The following CUBN variants were observed in gnomAD, a reference collection of about 807,000 sequenced individuals.
CUBN encodes the protein 460 kDa receptor.
CUBN carries 282 observed loss-of-function variants against 405.3 expected under a neutral mutation model. The ratio of observed to expected loss-of-function variants is 0.70; its 90% CI spans 0.63 to 0.77. The LOEUF (loss-of-function observed/expected upper bound fraction) is 0.77, where lower values mean the gene tolerates loss of function less well. CUBN is among the 30% of genes least tolerant of loss of function. CUBN has a pLI of 0.00. For missense variants in CUBN, 4,514 were observed against 4,475.2 expected (o/e 1.01, Z -0.25); for synonymous variants, 1,684 against 1,617.0 (o/e 1.04, Z -0.99).
intron 28 of CUBN, among the ~76,000 whole-genome samples, chr10:17,006,737 G>A (rs933691194): frequency 8.5e-5 from 13 of 152,074 alleles, no homozygotes; most frequent in African/African-American, 2.9e-4. Flanking sequence ...CATCCAAACC[G>A]AGCCAGTCAT....
At chr10:16,928,465 A>G (rs1036187493) in intron 40 of CUBN, among the ~76,000 whole-genome samples, 162 bp from the exon 41 acceptor site, 2 of 151,542 alleles carry the variant, frequency 1.3e-5, no homozygotes, top group Admixed American at 1.3e-4. Context: ...GGGTGATATC[A>G]TTCTGGCTCC....
chr10:17,080,084 AT>A (rs1382820964), intron 17 of CUBN, among the ~76,000 whole-genome samples: 1 of 152,064 alleles, frequency 6.6e-6, no homozygotes, highest in African/African-American at 2.4e-5. Context: ...AATCTTAAAG[AT>A]TTTACCAGGG....
chr10:16,928,163 G>A lies in CUBN; in HGVS notation c.6265C>T (p.His2089Tyr). The A allele has an allele frequency of 2.5e-6, 4 of 1,613,728 alleles. No individual in the cohort carries two copies. Among genetic ancestry groups the A allele is most frequent in the Non-Finnish European group, 3.4e-6 (4 of 1,179,736 alleles). The part of the protein sequence containing the change: ...VTRAGFNASF[H>Y]KSCGGYLHAD... ...AAATATTTGAACTCATTACTCTTGT[G>A]AAAGGATGCATTGAAGCCTGCCCTG... Residue 2089 changes from histidine to tyrosine, a missense_variant, in exon 41 of 67, where the codon CAC becomes TAC. Around this residue, in one of 5 missense-constraint regions of CUBN, gnomAD observed 1,613 missense variants for 1,542.8 expected, o/e 1.05. Transcript: ENST00000377833.
At chr10:17,028,648 G>A (rs1834726138) in intron 27 of CUBN, among the ~76,000 whole-genome samples, 1 of 151,604 alleles carries the variant, frequency 6.6e-6, no homozygotes, top group African/African-American at 2.4e-5. Context: ...TTGAATCTGG[G>A]AGGCGGAGGT....
intron 31 of CUBN, among the ~76,000 whole-genome samples, chr10:16,966,274 T>C (rs1250104471): frequency 6.6e-6 from 1 of 152,126 alleles, no homozygotes; most frequent in African/African-American, 2.4e-5. Context: ...GCAGAATGGG[T>C]AACAAAGAGC....
At chr10:17,087,465 TC>T (rs1324915324) in intron 15 of CUBN, among the ~76,000 whole-genome samples, 2 of 102,130 alleles carry the variant, frequency 2.0e-5, no homozygotes, top group African/African-American at 4.2e-5. Context: ...CTATTATTTT[TC>T]TTTTTCTTTT....
At chr10:16,890,870 G>A (rs941048971) in intron 54 of CUBN, among the ~76,000 whole-genome samples, 1 of 152,136 alleles carries the variant, frequency 6.6e-6, no homozygotes, top group South Asian at 2.1e-4. Context: ...GGGAGACGGA[G>A]CAGCCAGGTG....
At chr10:16,972,515 G>A (rs145146217) in intron 31 of CUBN, among the ~76,000 whole-genome samples, 54 of 150,610 alleles carry the variant, frequency 3.6e-4, no homozygotes, top group East Asian at 7.8e-4. Flanking sequence ...ACAGCTCACC[G>A]CAGCCTCGAC....
In CUBN at chr10:16,900,857, G is replaced by T; in HGVS notation, c.8185-7C>A. ...CAAAGTCACTAAATGTGAGCTGCAG[G>T]AGAAAAAAGAAAATGGTTGTCAGTG... is the stretch of plus-strand genomic sequence containing the variant. On this transcript the variant is annotated splice_polypyrimidine_tract_variant and splice_region_variant and intron_variant, in intron 52 of 66. Coordinates refer to ENST00000377833, the MANE Select transcript of CUBN (RefSeq NM_001081.4). The T allele has an allele frequency of 6.3e-7, 1 of 1,596,350 alleles. No homozygotes were observed. Among genetic ancestry groups the T allele is most frequent in the Non-Finnish European group, 8.6e-7 (1 of 1,166,134 alleles).
intron 29 of CUBN, among the ~76,000 whole-genome samples, chr10:16,987,390 G>A (rs1474124365): frequency 6.6e-6 from 1 of 152,230 alleles, no homozygotes; most frequent in Non-Finnish European, 1.5e-5. Flanking sequence ...CAAATGCTCA[G>A]GATGGAGGAC....
At chr10:17,111,481 C>G (rs946757193) in intron 8 of CUBN, among the ~76,000 whole-genome samples, 17 of 152,082 alleles carry the variant, frequency 1.1e-4, no homozygotes, top group African/African-American at 4.1e-4. Context: ...GGAAAAAACC[C>G]TCAATTATCA....
At chr10:17,030,124 C>T (rs1206739400) in intron 27 of CUBN, among the ~76,000 whole-genome samples, 1 of 152,192 alleles carries the variant, frequency 6.6e-6, no homozygotes, top group African/African-American at 2.4e-5. Flanking sequence ...CATCACCCCC[C>T]AGTGGTACTG....
At chr10:17,117,175 AT>A (rs1836922096) in intron 6 of CUBN, among the ~76,000 whole-genome samples, 1 of 150,356 alleles carries the variant, frequency 6.7e-6, no homozygotes, top group Non-Finnish European at 1.5e-5. Flanking sequence ...TCCTTCTCAT[AT>A]TGTTTTCTTT....
chr10:17,045,311 A>C, intron 24 of CUBN, 123 bp from the exon 25 acceptor site: 1 of 958,026 alleles, frequency 1.0e-6, no homozygotes, highest in East Asian at 2.6e-5. Flanking sequence ...GCAAAATGGC[A>C]TCATGAAAGA....
intron 14 of CUBN, among the ~76,000 whole-genome samples, chr10:17,093,677 TA>T (rs149766749): frequency 1.0e-4 from 15 of 145,938 alleles, no homozygotes; most frequent in South Asian, 4.3e-4. Context: ...GAGGAAGTAG[TA>T]AAAAAAAAAC....
At chr10:16,962,002 G>A (rs1237066403) in intron 31 of CUBN, among the ~76,000 whole-genome samples, 1 of 152,120 alleles carries the variant, frequency 6.6e-6, no homozygotes, top group Admixed American at 6.5e-5. Flanking sequence ...GTGAGCCATG[G>A]CGCCCGGCCG....
intron 43 of CUBN, among the ~76,000 whole-genome samples, chr10:16,920,583 G>A (rs1002986613): frequency 2.6e-5 from 4 of 152,100 alleles, no homozygotes; most frequent in Non-Finnish European, 5.9e-5. Context: ...ACAACTCGGG[G>A]AGCATTCATT....
chr10:16,869,536 G>T, intron 59 of CUBN, 100 bp downstream of exon 59: 1 of 856,722 alleles, frequency 1.2e-6, no homozygotes, highest in Non-Finnish European at 1.9e-6. Flanking sequence ...TCAAGGAAAA[G>T]CAATCATAAT....
chr10:17,082,156 A>ACTTCAAG (rs1472573106), intron 17 of CUBN, among the ~76,000 whole-genome samples: 2 of 152,170 alleles, frequency 1.3e-5, no homozygotes, highest in Non-Finnish European at 2.9e-5. Flanking sequence ...TTTTTTTAAC[A>ACTTCAAG]CTTCAAGCTT....
Sources: allele counts gnomAD v4.1 joint callset (sites outside exome capture counted in the v4.1 genomes callset), GRCh38; gene constraint gnomAD v4.1.1; regional missense constraint gnomAD v4.1.1; transcripts MANE v1.5; gene names NCBI Gene and HGNC (gene_info 2026-07-23, HGNC 2026-07-21).